The following CIMIP6 variants were observed in gnomAD, a reference collection of about 807,000 sequenced individuals.
CIMIP6 encodes ciliary microtubule inner protein 6.
chr2:54,360,726 T>A, the CIMIP6 span: 8 of 705,350 alleles, frequency 1.1e-5, no homozygotes, highest in Middle Eastern at 4.1e-4. Context: ...CCAAATGTTA[T>A]TAATAAGAGT....
chr2:54,351,500 T>C, the CIMIP6 span, among the ~76,000 whole-genome samples: 3 of 152,148 alleles, frequency 2.0e-5, no homozygotes, highest in Non-Finnish European at 1.5e-5. Context: ...TGGAGGCCAT[T>C]ATCCTTAGCA....
the CIMIP6 span, among the ~76,000 whole-genome samples, chr2:54,349,800 T>A: frequency 6.6e-6 from 1 of 152,048 alleles, no homozygotes; most frequent in Non-Finnish European, 1.5e-5. Context: ...CCCTTTATAA[T>A]AACTCAGATT....
the CIMIP6 span, among the ~76,000 whole-genome samples, chr2:54,344,766 A>G: frequency 4.6e-5 from 7 of 152,088 alleles, no homozygotes; most frequent in African/African-American, 1.7e-4. Context: ...TATGCCAGTT[A>G]AAAAAAAGAT....
chr2:54,332,131 C>T, the CIMIP6 span, among the ~76,000 whole-genome samples: 305 of 152,336 alleles, frequency 2.0e-3, 1 homozygote, highest in African/African-American at 6.5e-3. Flanking sequence ...TTGGCAGTTA[C>T]AGTTCACTCT....
chr2:54,346,644 A>G, the CIMIP6 span, among the ~76,000 whole-genome samples: 2 of 151,754 alleles, frequency 1.3e-5, no homozygotes, highest in African/African-American at 4.8e-5. Context: ...CTCTCCTTTC[A>G]CTCCCTGCCC....
the CIMIP6 span, among the ~76,000 whole-genome samples, chr2:54,382,374 T>A: frequency 2.0e-5 from 3 of 152,128 alleles, no homozygotes; most frequent in Non-Finnish European, 4.4e-5. Context: ...AAAAGCAATA[T>A]AAACAATGAA....
At chr2:54,330,946 G>T in the CIMIP6 span, 2 of 1,611,780 alleles carry the variant, frequency 1.2e-6, no homozygotes, top group Non-Finnish European at 8.5e-7. Flanking sequence ...TTCCCAGGAG[G>T]CTCCTCGCTG....
the CIMIP6 span, chr2:54,334,982 A>G: frequency 1.2e-6 from 2 of 1,605,840 alleles, no homozygotes; most frequent in Non-Finnish European, 1.7e-6. Flanking sequence ...CATACAATGA[A>G]CCATTTCCCT....
At chr2:54,359,662 A>G in the CIMIP6 span, among the ~76,000 whole-genome samples, 1 of 151,892 alleles carries the variant, frequency 6.6e-6, no homozygotes, top group Non-Finnish European at 1.5e-5. Flanking sequence ...ATGTTTTGAT[A>G]TGCTTAATAC....
At chr2:54,363,094 G>A in the CIMIP6 span, among the ~76,000 whole-genome samples, 1 of 152,152 alleles carries the variant, frequency 6.6e-6, no homozygotes, top group Non-Finnish European at 1.5e-5. Context: ...TGCTTAAAAT[G>A]TTTTGTTTGC....
chr2:54,361,207 C>G, the CIMIP6 span: 1 of 152,158 alleles, frequency 6.6e-6, no homozygotes, highest in African/African-American at 2.4e-5. Context: ...TCTGCCAGTA[C>G]AAGATGCACA....
the CIMIP6 span, among the ~76,000 whole-genome samples, chr2:54,348,575 C>A: frequency 6.6e-5 from 10 of 152,108 alleles, no homozygotes; most frequent in South Asian, 1.0e-3. Flanking sequence ...GTAACATGTA[C>A]TGCACAATAT....
At chr2:54,370,629 G>A in the CIMIP6 span, among the ~76,000 whole-genome samples, 1 of 152,198 alleles carries the variant, frequency 6.6e-6, no homozygotes, top group African/African-American at 2.4e-5. Context: ...ACACTGGTTA[G>A]TTTGAACTGT....
At chr2:54,355,359 T>C in the CIMIP6 span, among the ~76,000 whole-genome samples, 68 of 152,120 alleles carry the variant, frequency 4.5e-4, no homozygotes, top group Non-Finnish European at 9.1e-4. Flanking sequence ...GAAACCCAAC[T>C]AGGGTGTAAA....
the CIMIP6 span, chr2:54,359,020 T>C: frequency 6.4e-7 from 1 of 1,557,912 alleles, no homozygotes. Flanking sequence ...AATACATCTC[T>C]TTTATACATC....
the CIMIP6 span, among the ~76,000 whole-genome samples, chr2:54,355,444 T>TC: frequency 4.6e-5 from 7 of 152,160 alleles, no homozygotes; most frequent in Admixed American, 6.5e-5. Context: ...TCTCATTGCC[T>TC]CATTTTTCTC....
chr2:54,374,290 G>A, the CIMIP6 span, among the ~76,000 whole-genome samples: 1 of 151,746 alleles, frequency 6.6e-6, no homozygotes, highest in Non-Finnish European at 1.5e-5. Flanking sequence ...CTTTTCTTTT[G>A]TTCTTTAATG....
the CIMIP6 span, among the ~76,000 whole-genome samples, chr2:54,346,595 G>C: frequency 6.6e-6 from 1 of 152,018 alleles, no homozygotes; most frequent in Non-Finnish European, 1.5e-5. Flanking sequence ...CTCCCACCAG[G>C]TGTTCAAGTT....
At chr2:54,338,036 C>G in the CIMIP6 span, among the ~76,000 whole-genome samples, 7 of 152,268 alleles carry the variant, frequency 4.6e-5, no homozygotes, top group African/African-American at 1.4e-4. Flanking sequence ...ACTTGAGAGG[C>G]TGAGGCAGGA....
Sources: allele counts gnomAD v4.1 joint callset (sites outside exome capture counted in the v4.1 genomes callset), GRCh38; gene constraint gnomAD v4.1.1; transcripts MANE v1.5; gene names NCBI Gene and HGNC (gene_info 2026-07-23, HGNC 2026-07-21).